Variants in CTNNA2 observed in about 807,000 individuals in gnomAD.
CTNNA2 encodes the protein catenin alpha 2.
In CTNNA2, 42 loss-of-function variants were observed where a neutral mutation model predicts 101.0. That is an observed-to-expected ratio of 0.42 (90% CI 0.32 to 0.54). The LOEUF (loss-of-function observed/expected upper bound fraction) is 0.54. Ranked by LOEUF, CTNNA2 falls within the 20% of genes least tolerant of loss-of-function variation. The probability of loss-of-function intolerance (pLI) is 0.14; values close to 1 mark genes in which losing one functional copy is unlikely to be tolerated. For synonymous variants in CTNNA2, 450 were observed against 456.4 expected (o/e 0.99, Z 0.18); for missense variants, 871 against 1,223.1 (o/e 0.71, Z 4.29).
chr2:79,408,512 C>A (rs973295896), intron 4 of CTNNA2, among the ~76,000 whole-genome samples: 2 of 145,506 alleles, frequency 1.4e-5, no homozygotes, highest in Non-Finnish European at 3.0e-5. Flanking sequence ...TGTCCATGTG[C>A]TCTCATTGTT....
chr2:79,645,811 A>G (rs917105064), intron 1 of CTNNA2, among the ~76,000 whole-genome samples: 3 of 152,250 alleles, frequency 2.0e-5, no homozygotes, highest in Non-Finnish European at 4.4e-5. Context: ...AATGAAACCG[A>G]AGCTTAGGTA....
chr2:80,201,367 C>CT (rs60448795), intron 7 of CTNNA2, among the ~76,000 whole-genome samples: 14,802 of 80,822 alleles, frequency 0.18, 2,623 homozygotes, highest in African/African-American at 0.42. Flanking sequence ...CTTTTTCTTT[C>CT]TTTTTTTTTT....
intron 4 of CTNNA2, among the ~76,000 whole-genome samples, chr2:79,400,060 T>C (rs1462300769): frequency 6.6e-6 from 1 of 152,000 alleles, no homozygotes; most frequent in Admixed American, 6.6e-5. Context: ...AATCAATATA[T>C]GTAAGATGTA....
chr2:79,832,750 A>C (rs1679019389), intron 3 of CTNNA2, among the ~76,000 whole-genome samples: 1 of 152,184 alleles, frequency 6.6e-6, no homozygotes, highest in African/African-American at 2.4e-5. Context: ...ATGAATATTA[A>C]ATGGATGAGC....
Position 80,538,040 on chromosome 2 carries a change from C to A in CTNNA2, c.1291-6942C>A, listed in dbSNP as rs150188555. 9.5e-4 allele frequency among the ~76,000 whole-genome samples: 145 copies of A among 152,166 alleles called. 2 individuals are homozygous for A. The Middle Eastern group carries it at 0.017, about 18-fold the overall frequency. On this transcript the variant is annotated intron_variant, in intron 9 of 18. Transcript: ENST00000402739. Reference sequence around the variant, plus strand: ...GCATAAATGTCATCTTTTGAGAAGTCTCTGTTCATATCCCTTGCCCACTTT... The same window carrying A: ...GCATAAATGTCATCTTTTGAGAAGTATCTGTTCATATCCCTTGCCCACTTT...
chr2:79,444,239 G>A (rs1678806978), intron 4 of CTNNA2, among the ~76,000 whole-genome samples: 1 of 152,070 alleles, frequency 6.6e-6, no homozygotes, highest in Non-Finnish European at 1.5e-5. Context: ...AAGTAAATTT[G>A]GGGGTAAGTG....
chr2:79,863,332 A>G (rs1386460512), intron 4 of CTNNA2, among the ~76,000 whole-genome samples: 1 of 152,214 alleles, frequency 6.6e-6, no homozygotes, highest in African/African-American at 2.4e-5. Context: ...GTATGGCTGC[A>G]CAATTTAGGA....
chr2:80,164,067 A>C (rs1257746590), intron 7 of CTNNA2, among the ~76,000 whole-genome samples: 1 of 151,678 alleles, frequency 6.6e-6, no homozygotes, highest in East Asian at 1.9e-4. Context: ...TTTCTTATAG[A>C]GAGCATATAG....
At chr2:79,717,901 G>T (rs964171491) in intron 2 of CTNNA2, among the ~76,000 whole-genome samples, 2 of 152,062 alleles carry the variant, frequency 1.3e-5, no homozygotes, top group Admixed American at 1.3e-4. Context: ...TGCCACTGGG[G>T]GACCTAAGTC....
chr2:79,247,534 T>G (rs981938651), intron 2 of CTNNA2, among the ~76,000 whole-genome samples: 1 of 152,206 alleles, frequency 6.6e-6, no homozygotes, highest in South Asian at 2.1e-4. Flanking sequence ...TTTTTTTGTC[T>G]GCAATTCTAG....
At chr2:79,598,416 G>A (rs557412517) in intron 1 of CTNNA2, among the ~76,000 whole-genome samples, 2 of 152,280 alleles carry the variant, frequency 1.3e-5, no homozygotes, top group East Asian at 1.9e-4. Context: ...GTATGATTTC[G>A]CATTTCCACC....
intron 2 of CTNNA2, among the ~76,000 whole-genome samples, chr2:79,242,648 G>T (rs1390455308): frequency 6.6e-6 from 1 of 152,054 alleles, no homozygotes; most frequent in African/African-American, 2.4e-5. Flanking sequence ...GAAGGTATTG[G>T]AGAGCTATTA....
At chr2:80,227,129 C>T (rs1708931180) in intron 7 of CTNNA2, among the ~76,000 whole-genome samples, 1 of 152,164 alleles carries the variant, frequency 6.6e-6, no homozygotes. Context: ...TTTCAAACCT[C>T]CGCTTAGGGT....
At chr2:80,228,602 G>C (rs1162266188) in intron 7 of CTNNA2, among the ~76,000 whole-genome samples, 1 of 152,028 alleles carries the variant, frequency 6.6e-6, no homozygotes, top group African/African-American at 2.4e-5. Context: ...ACTTCCCTTT[G>C]AGGTGTTTCT....
intron 7 of CTNNA2, among the ~76,000 whole-genome samples, chr2:80,062,031 A>T (rs929768266): frequency 6.6e-6 from 1 of 152,228 alleles, no homozygotes. Flanking sequence ...GCCTGTCTGC[A>T]TTTCAGTTCT....
intron 2 of CTNNA2, among the ~76,000 whole-genome samples, chr2:79,252,077 G>A (rs1674780697): frequency 6.6e-6 from 1 of 152,158 alleles, no homozygotes. Flanking sequence ...CTCTGCACAG[G>A]TGGAGATCAG....
intron 7 of CTNNA2, among the ~76,000 whole-genome samples, chr2:80,370,291 A>T (rs1675326064): frequency 1.3e-5 from 2 of 151,822 alleles, no homozygotes; most frequent in Non-Finnish European, 2.9e-5. Flanking sequence ...TGCGTGTGTG[A>T]ATGGAAAAAG....
intron 3 of CTNNA2, among the ~76,000 whole-genome samples, chr2:79,844,846 T>C (rs1406703515): frequency 2.0e-5 from 3 of 151,948 alleles, no homozygotes; most frequent in Non-Finnish European, 2.9e-5. Context: ...TAGAAACTCA[T>C]CTATACTCTT....
chr2:79,316,548 G>T (rs1353330866), intron 3 of CTNNA2, among the ~76,000 whole-genome samples: 1 of 151,984 alleles, frequency 6.6e-6, no homozygotes, highest in Non-Finnish European at 1.5e-5. Context: ...CAATCCATAA[G>T]CACAGGCTTT....
Sources: gnomAD v4.1 joint callset for allele counts (sites outside exome capture counted in the v4.1 genomes callset) on GRCh38, gnomAD v4.1.1 for gene constraint, MANE v1.5 for transcripts, NCBI Gene and HGNC (gene_info 2026-07-23, HGNC 2026-07-21) for gene names.